Variants in DCAF10 observed in about 807,000 individuals in gnomAD.
The protein encoded by DCAF10 is DDB1 and CUL4 associated factor 10.
DCAF10 carries 19 observed loss-of-function variants against 51.9 expected under a neutral mutation model. That is an observed-to-expected ratio of 0.37 (90% CI 0.26 to 0.54). DCAF10 has a LOEUF of 0.54. Among genes scored for constraint, DCAF10 ranks in the 20% least tolerant of loss-of-function variants. The pLI is 0.87. For synonymous variants in DCAF10, 291 were observed against 297.1 expected (o/e 0.98, Z 0.21); for missense variants, 510 against 730.6 (o/e 0.70, Z 3.48).
At chr9:37,805,221 C>T (rs1486067732) in intron 1 of DCAF10, among the ~76,000 whole-genome samples, 1 of 152,108 alleles carries the variant, frequency 6.6e-6, no homozygotes, top group African/African-American at 2.4e-5. Context: ...GTGGTTTATG[C>T]CTGTAATCCC....
chr9:37,838,542 G>A (rs1190973895), intron 2 of DCAF10, among the ~76,000 whole-genome samples: 4 of 152,104 alleles, frequency 2.6e-5, no homozygotes, highest in African/African-American at 9.7e-5. Flanking sequence ...TCATCTTAGT[G>A]TTTTTTAGTA....
In DCAF10 at chr9:37,863,951, A is replaced by C. The variant is rs1417201258; in HGVS notation, c.*2443A>C. The C allele has an allele frequency of 6.6e-6, 1 of 152,194 alleles. No individual in the cohort carries two copies. Among genetic ancestry groups the C allele is most frequent in the Non-Finnish European group, 1.5e-5 (1 of 68,028 alleles). The allele number at this position is 152,194 out of a possible 1,614,324, so 9.4% of individuals were successfully genotyped here. A position where few individuals can be genotyped will look rare whatever the true frequency, so the allele number is the denominator to read the frequency against. Reference sequence around the variant, plus strand: ...AGAAAATTATCACAAAGCACAGTAAATACATATACTTACCATACATTTTGT... The same window carrying C: ...AGAAAATTATCACAAAGCACAGTAACTACATATACTTACCATACATTTTGT... On this transcript the variant is annotated 3_prime_UTR_variant, in exon 7 of 7. Transcript: ENST00000377724.
chr9:37,854,805 A>G lies in DCAF10; in HGVS notation c.877A>G (p.Lys293Glu). 6.2e-7 allele frequency: 1 copy of G among 1,613,978 alleles called. No individual in the cohort carries two copies. ...GTATACAGAAGATGGGTGTCCACAT[A>G]AGAAATTCTTTCACACACGTTTTCT... is the stretch of plus-strand genomic sequence containing the variant. ...NRYTEDGCPH[K>E]KFFHTRFLMR... is the part of the protein sequence containing the mutation. Residue 293 changes from lysine (K) to glutamate (E), a missense_variant, in exon 4 of 7, where the codon AAG becomes GAG. Physicochemically the swap from Lys to Glu is moderately conservative, Grantham distance 56. Coordinates refer to ENST00000377724, the MANE Select transcript of DCAF10 (RefSeq NM_024345.5).
chr9:37,816,307 G>T (rs1829530754), intron 1 of DCAF10, among the ~76,000 whole-genome samples: 1 of 152,176 alleles, frequency 6.6e-6, no homozygotes. Flanking sequence ...CAACTTTTTG[G>T]GCCACGCGCG....
chr9:37,825,303 C>G (rs1018752971), intron 2 of DCAF10, among the ~76,000 whole-genome samples: 5 of 152,076 alleles, frequency 3.3e-5, no homozygotes, highest in African/African-American at 2.4e-5. Flanking sequence ...TTCACAATAG[C>G]AAAAACATGG....
At chr9:37,818,729 T>C (rs1197188519) in intron 1 of DCAF10, among the ~76,000 whole-genome samples, 3 of 152,186 alleles carry the variant, frequency 2.0e-5, no homozygotes, top group African/African-American at 7.2e-5. Context: ...TATATGAATT[T>C]CCCGTAAGTT....
chr9:37,839,892 A>T (rs1212072728), intron 2 of DCAF10, among the ~76,000 whole-genome samples: 1 of 152,210 alleles, frequency 6.6e-6, no homozygotes, highest in African/African-American at 2.4e-5. Context: ...TTGAGTGCAT[A>T]TGTGTCTGGC....
In DCAF10 at chr9:37,829,296, C is replaced by T. The variant is rs1360844675; in HGVS notation, c.653+9895C>T. Among the ~76,000 whole-genome samples the T allele has an allele frequency of 4.6e-5, 7 of 152,008 alleles. No individual in the cohort carries two copies. In the South Asian group the frequency reaches 1.0e-3, roughly 23 times the overall value. On this transcript the variant is annotated intron_variant, in intron 2 of 6. Coordinates refer to ENST00000377724, the MANE Select transcript of DCAF10 (RefSeq NM_024345.5). The surrounding 1 kb of genome is among the most constrained non-coding windows in gnomAD (Gnocchi z 4.2). Reference sequence around the variant, plus strand: ...CTCTACTAAAAATACAAAAATTAGCCGGGCATGGTCGTGCATGCCTGTAAT... The same window carrying T: ...CTCTACTAAAAATACAAAAATTAGCTGGGCATGGTCGTGCATGCCTGTAAT...
intron 3 of DCAF10, among the ~76,000 whole-genome samples, chr9:37,844,015 CAAAAT>C (rs1056288146): frequency 7.2e-5 from 11 of 152,090 alleles, no homozygotes; most frequent in African/African-American, 2.4e-4. Context: ...TAATAGCAAA[CAAAAT>C]AAAGTTTAAG....
At chr9:37,800,614 G>C, upstream of DCAF10, 1 of 1,536,154 alleles carries the variant, frequency 6.5e-7, no homozygotes, top group South Asian at 1.2e-5. Context: ...CTGCCACCCA[G>C]ATCAGGTGCC....
At chr9:37,857,467 A>G (rs1379128423) in intron 5 of DCAF10, 116 bp downstream of exon 5, 84 of 699,944 alleles carry the variant, frequency 1.2e-4, no homozygotes, top group South Asian at 1.2e-3. Context: ...AAAGCAATGG[A>G]GATGAGGTGA....
chr9:37,836,413 C>A (rs1459238757), intron 2 of DCAF10: 1 of 1,582,608 alleles, frequency 6.3e-7, no homozygotes, highest in Non-Finnish European at 8.7e-7. Context: ...CTCAGGGAGG[C>A]CATTTTTGCC....
intron 3 of DCAF10, among the ~76,000 whole-genome samples, chr9:37,847,497 AC>A (rs1258307467): frequency 6.6e-6 from 1 of 152,194 alleles, no homozygotes; most frequent in Non-Finnish European, 1.5e-5. Context: ...AAAGCACTTG[AC>A]AAAATCTCTT....
rs887569168 is a variant in DCAF10 at position 37,862,661 on chromosome 9, C to T, written c.*1153C>T. 11 of 152,186 alleles carry T rather than the reference C, an allele frequency of 7.2e-5. No individual in the cohort carries two copies. The highest frequency in any genetic ancestry group is 5.2e-4 in the Admixed American group (8 of 15,272). 9.4% of individuals were successfully genotyped at this position (152,186 alleles called of 1,614,324 possible). A position where few individuals can be genotyped will look rare whatever the true frequency, so the allele number is the denominator to read the frequency against. The stretch of plus-strand genomic sequence containing the variant: ...TGCCTTTGTGTTTTGTTATGAAACA[C>T]GCAAGCATAAAGCAGGACTCAAGCA... On this transcript the variant is annotated 3_prime_UTR_variant, in exon 7 of 7. Transcript: ENST00000377724.
At chr9:37,844,256 C>T (rs1830413723) in intron 3 of DCAF10, among the ~76,000 whole-genome samples, 1 of 152,208 alleles carries the variant, frequency 6.6e-6, no homozygotes, top group East Asian at 1.9e-4. Context: ...CATGGTGGCT[C>T]ACGCCTGTAA....
chr9:37,847,213 A>G (rs182684137), intron 3 of DCAF10, among the ~76,000 whole-genome samples: 1 of 141,546 alleles, frequency 7.1e-6, no homozygotes, highest in East Asian at 2.2e-4. Context: ...AGATCACACC[A>G]TTGCACCCCA....
Position 37,821,951 on chromosome 9 carries a change from TA to T in DCAF10, c.653+2552del, listed in dbSNP as rs1296386567. On this transcript the variant is annotated intron_variant, in intron 2 of 6. Coordinates refer to ENST00000377724, the MANE Select transcript of DCAF10 (RefSeq NM_024345.5). ...AATCAATCCCATTAAAAAATTGGGC[TA>T]AGGAAATGAATAGATAATTCTCAGA... Among the ~76,000 whole-genome samples the T allele has an allele frequency of 4.7e-5, 7 of 150,532 alleles. No homozygotes were observed. The South Asian group carries it at 6.3e-4, about 13-fold the overall frequency.
chr9:37,864,221 G>C lies in DCAF10; in HGVS notation c.*2713G>C, dbSNP rs1311090360. On this transcript the variant is annotated 3_prime_UTR_variant, in exon 7 of 7. Coordinates refer to ENST00000377724, the MANE Select transcript of DCAF10 (RefSeq NM_024345.5). ...GGATGGTTTGAGCCTGGGAGGCAGA[G>C]GCTGCAGTGAGCCAAGATTGCACTA... 6.6e-6 allele frequency: 1 copy of C among 152,256 alleles called. No individual in the cohort carries two copies. Among genetic ancestry groups the C allele is most frequent in the African/African-American group, 2.4e-5 (1 of 41,416 alleles). The allele number at this position is 152,256 out of a possible 1,614,324, so 9.4% of individuals were successfully genotyped here. A position where few individuals can be genotyped will look rare whatever the true frequency, so the allele number is the denominator to read the frequency against.
At position 37,864,600 on chromosome 9, in the gene DCAF10, A is replaced by T. The variant is rs1488329035; in HGVS notation, c.*3092A>T. On this transcript the variant is annotated 3_prime_UTR_variant, in exon 7 of 7. Transcript: ENST00000377724. ...CTCTGCCTCAAAAAAAAAAAAAAAA[A>T]TAAAATAAAATAAAATTAGTTTTGG... is the stretch of plus-strand genomic sequence containing the variant. 2 of 151,142 alleles carry T rather than the reference A, an allele frequency of 1.3e-5. No homozygotes were observed. The highest frequency in any genetic ancestry group is 3.0e-5 in the Non-Finnish European group (2 of 67,602). The allele number at this position is 151,142 out of a possible 1,614,324, so 9.4% of individuals were successfully genotyped here. A position where few individuals can be genotyped will look rare whatever the true frequency, so the allele number is the denominator to read the frequency against.
Sources: gnomAD v4.1 joint callset for allele counts (sites outside exome capture counted in the v4.1 genomes callset) on GRCh38, gnomAD v4.1.1 for gene constraint, Gnocchi (gnomAD v3.1) non-coding constraint, MANE v1.5 for transcripts, NCBI Gene and HGNC (gene_info 2026-07-23, HGNC 2026-07-21) for gene names.